GLG1: variants seen among roughly 807,000 people sequenced by gnomAD.
The protein encoded by GLG1 is Golgi apparatus protein 1.
A neutral mutation model predicts 160.5 loss-of-function variants in GLG1; 38 were observed. The observed-to-expected ratio is 0.24, with a 90% CI of 0.18 to 0.31. GLG1 has a LOEUF of 0.31. Ranked by LOEUF, GLG1 falls within the 10% of genes least tolerant of loss-of-function variation. The pLI, the probability that GLG1 is intolerant of heterozygous loss-of-function variation, is 1.00. For missense variants in GLG1, 1,373 were observed against 1,505.2 expected, an observed-to-expected ratio of 0.91 and a Z score of 1.45; for synonymous variants, 644 against 543.4, an observed-to-expected ratio of 1.19 and a Z score of -2.57.
chr16:74,583,977 A>C (rs1208496273), intron 1 of GLG1, among the ~76,000 whole-genome samples: 1 of 152,166 alleles, frequency 6.6e-6, no homozygotes, highest in African/African-American at 2.4e-5. Flanking sequence ...CTAGGTAAGA[A>C]GTCCCCATCA....
chr16:74,477,645 C>G, intron 11 of GLG1, 112 bp from the exon 12 acceptor site: 1 of 738,270 alleles, frequency 1.4e-6, no homozygotes, highest in Non-Finnish European at 2.2e-6. Context: ...TTTTATCTCC[C>G]AAATTTTATA....
chr16:74,502,564 G>A (rs1325363260), intron 4 of GLG1, among the ~76,000 whole-genome samples: 1 of 150,802 alleles, frequency 6.6e-6, no homozygotes, highest in Non-Finnish European at 1.5e-5. Flanking sequence ...TTTTTTTTGA[G>A]ACGGAGTCTC....
rs551817392 is a variant in GLG1, at chr16:74,489,936, A to G, written c.1449+1065T>C. On this transcript the variant is annotated intron_variant, in intron 8 of 25. Coordinates refer to ENST00000422840, the MANE Select transcript of GLG1 (RefSeq NM_001145667.2). ...TCAGACTGTAAAAATCTGATTTTACACGATTATCAGGAAAATAAAATTCGA... is the reference window on the plus strand; with the variant it reads ...TCAGACTGTAAAAATCTGATTTTACGCGATTATCAGGAAAATAAAATTCGA... 2.0e-5 allele frequency among the ~76,000 whole-genome samples: 3 copies of G among 152,350 alleles called. No homozygotes were observed. The South Asian group carries it at 6.2e-4, about 32-fold the overall frequency.
At chr16:74,576,552 A>G (rs1167483653) in intron 1 of GLG1, among the ~76,000 whole-genome samples, 1 of 152,210 alleles carries the variant, frequency 6.6e-6, no homozygotes, top group Non-Finnish European at 1.5e-5. Context: ...ACCTTTTAAA[A>G]TTATAAAAAC....
In GLG1 at chr16:74,607,103, C is replaced by A. The variant is rs769849897; in HGVS notation, c.-9G>T. On this transcript the variant is annotated 5_prime_UTR_variant, in exon 1 of 26. Coordinates refer to ENST00000422840, the MANE Select transcript of GLG1 (RefSeq NM_001145667.2). ...CGTCCACACGCCGCCATCTTGAGTCCGCGGCGAGCTCGACGCACTCGCCGG... is the reference window on the plus strand; with the variant it reads ...CGTCCACACGCCGCCATCTTGAGTCAGCGGCGAGCTCGACGCACTCGCCGG... The A allele has an allele frequency of 2.6e-6, 4 of 1,520,072 alleles. No individual in the cohort carries two copies. The highest frequency in any genetic ancestry group is 2.1e-5 in the Admixed American group (1 of 47,932). 94.2% of individuals were successfully genotyped at this position (1,520,072 alleles called of 1,614,324 possible).
At chr16:74,518,054 CACAA>C (rs1452976420) in intron 2 of GLG1, among the ~76,000 whole-genome samples, 1 of 152,090 alleles carries the variant, frequency 6.6e-6, no homozygotes, top group African/African-American at 2.4e-5. Flanking sequence ...TAAGAGAGGA[CACAA>C]ACAAATGCAA....
intron 8 of GLG1, among the ~76,000 whole-genome samples, chr16:74,486,892 G>C (rs1443541738): frequency 2.0e-5 from 3 of 151,848 alleles, no homozygotes; most frequent in Non-Finnish European, 4.4e-5. Flanking sequence ...ATAAGTAGCA[G>C]ATGGTGTTTT....
chr16:74,595,983 C>T (rs1226268127), intron 1 of GLG1, among the ~76,000 whole-genome samples: 1 of 151,742 alleles, frequency 6.6e-6, no homozygotes, highest in African/African-American at 2.4e-5. Flanking sequence ...ATTTGCCAGC[C>T]ATGGTGCCAC....
chr16:74,451,740 A>C lies in GLG1; in HGVS notation c.*1427T>G. ...GTGATCTCATGCCCCAAACTCAACC[A>C]AAGGAGTGCCACGCTGAACCATGAT... On this transcript the variant is annotated 3_prime_UTR_variant, in exon 26 of 26. Coordinates refer to ENST00000422840, the MANE Select transcript of GLG1 (RefSeq NM_001145667.2). 1 of 338,428 alleles carries C rather than the reference A, an allele frequency of 3.0e-6. No homozygotes were observed. The highest frequency in any genetic ancestry group is 3.5e-5 in the South Asian group (1 of 28,276). 21.0% of individuals were successfully genotyped at this position (338,428 alleles called of 1,614,324 possible).
At chr16:74,504,695 G>T (rs2016534302) in intron 3 of GLG1, among the ~76,000 whole-genome samples, 1 of 152,176 alleles carries the variant, frequency 6.6e-6, no homozygotes, top group Admixed American at 6.5e-5. Flanking sequence ...GACACATGTG[G>T]TCTGGGAAAC....
At chr16:74,468,033 G>C (rs952798053) in intron 17 of GLG1, 185 bp from the exon 18 acceptor site, 2 of 533,500 alleles carry the variant, frequency 3.7e-6, no homozygotes, top group African/African-American at 3.9e-5. Context: ...CATGGCCTTG[G>C]ACCTTCTTTG....
rs748002782 is a variant in GLG1 at position 74,463,340 on chromosome 16, C to A, written c.2791+16G>T. 3 of 1,613,662 alleles carry A rather than the reference C, an allele frequency of 1.9e-6. No individual in the cohort carries two copies. The South Asian group carries it at 3.3e-5, about 18-fold the overall frequency. On this transcript the variant is annotated intron_variant, in intron 20 of 25. Coordinates refer to ENST00000422840, the MANE Select transcript of GLG1 (RefSeq NM_001145667.2). ...AGATACTCCACGGGGCCAGGAGAGC[C>A]AAGCCAAGATCTTACCTGTGTTCTG...
intron 2 of GLG1, among the ~76,000 whole-genome samples, chr16:74,529,903 C>G (rs147609361): frequency 6.8e-6 from 1 of 147,440 alleles, no homozygotes; most frequent in East Asian, 2.1e-4. Flanking sequence ...CTTCTATCTC[C>G]CCGGTTCAAG....
In GLG1 at chr16:74,480,381, G is replaced by A; in HGVS notation, c.1687C>T (p.Leu563=). ...GCGTCTCCCTGGCACTTGCGGTACA[G>A]GACAGGGTCCAGCCTATAAGGTTAA... ...ISRDWKLDPV[L]YRKCQGDASR... Residue 563 remains leucine (L), a synonymous_variant, in exon 11 of 26, where the codon CTG becomes TTG. Transcript: ENST00000422840. The A allele has an allele frequency of 6.2e-7, 1 of 1,612,006 alleles. No homozygotes were observed. The highest frequency in any genetic ancestry group is 8.5e-7 in the Non-Finnish European group (1 of 1,178,716).
intron 3 of GLG1, among the ~76,000 whole-genome samples, chr16:74,505,926 A>C (rs2016583510): frequency 6.6e-6 from 1 of 150,684 alleles, no homozygotes. Context: ...GCTACTTGGG[A>C]GGCTGAGGCA....
Position 74,485,868 on chromosome 16 carries a change from T to A in GLG1, c.1499A>T (p.Asp500Val), listed in dbSNP as rs1423948368. The A allele has an allele frequency of 1.2e-6, 2 of 1,611,346 alleles. No homozygotes were observed. The highest frequency in any genetic ancestry group is 1.7e-6 in the Non-Finnish European group (2 of 1,177,432). Residue 500 changes from aspartate to valine, a missense_variant, in exon 9 of 26, where the codon GAT (aspartate) becomes GTT (valine). Coordinates refer to ENST00000422840, the MANE Select transcript of GLG1 (RefSeq NM_001145667.2). ...TTCACAAGCTTCATTCAAAGCTCGA[T>A]CAATGCGGTAATCTGCACCAGGGTC... Reference protein sequence around the residue: ...ETDPGADYRIDRALNEACESV... With the variant: ...ETDPGADYRIVRALNEACESV...
intron 1 of GLG1, among the ~76,000 whole-genome samples, chr16:74,549,886 G>A (rs1054919545): frequency 2.0e-5 from 3 of 152,052 alleles, no homozygotes; most frequent in African/African-American, 7.2e-5. Context: ...GGCTAAGGCA[G>A]GGGGATCACT....
intron 1 of GLG1, among the ~76,000 whole-genome samples, chr16:74,600,746 A>AC (rs1425449507): frequency 2.3e-4 from 35 of 149,794 alleles, no homozygotes; most frequent in Admixed American, 4.7e-4. Context: ...AAAAAAAAAA[A>AC]AAAAAAAACA....
chr16:74,512,879 T>A (rs1052332345), intron 2 of GLG1, among the ~76,000 whole-genome samples: 1 of 151,318 alleles, frequency 6.6e-6, no homozygotes, highest in South Asian at 2.1e-4. Context: ...GGACAGGGAG[T>A]CTTGGTAGCA....
Sources: allele counts gnomAD v4.1 joint callset (sites outside exome capture counted in the v4.1 genomes callset), GRCh38; gene constraint gnomAD v4.1.1; transcripts MANE v1.5; gene names NCBI Gene and HGNC (gene_info 2026-07-23, HGNC 2026-07-21).